Variants in SPMIP4 observed in about 807,000 individuals in gnomAD.
SPMIP4 encodes the protein sperm-associated microtubule inner protein 4.
At chr7:25,135,998 G>T in the SPMIP4 span, 3 of 1,607,316 alleles carry the variant, frequency 1.9e-6, no homozygotes, top group Non-Finnish European at 2.5e-6. Flanking sequence ...TAGGAATTAT[G>T]GCCATAGAAT....
At chr7:25,177,093 T>C in the SPMIP4 span, among the ~76,000 whole-genome samples, 1 of 152,206 alleles carries the variant, frequency 6.6e-6, no homozygotes, top group Non-Finnish European at 1.5e-5. Context: ...GGAAAAATTG[T>C]TCACATTAGA....
chr7:25,178,909 T>A, the SPMIP4 span, among the ~76,000 whole-genome samples: 1 of 151,842 alleles, frequency 6.6e-6, no homozygotes, highest in Admixed American at 6.6e-5. Context: ...GGCATGGTGG[T>A]GCATGCCTGT....
At chr7:25,130,765 G>A in the SPMIP4 span, among the ~76,000 whole-genome samples, 1 of 152,186 alleles carries the variant, frequency 6.6e-6, no homozygotes, top group Admixed American at 6.5e-5. Flanking sequence ...TATTGTCTTT[G>A]CCTTACAGTT....
At chr7:25,132,659 A>C in the SPMIP4 span, among the ~76,000 whole-genome samples, 12 of 152,310 alleles carry the variant, frequency 7.9e-5, no homozygotes, top group Admixed American at 7.2e-4. This position sits in a 1 kb window ranked among gnomAD's most constrained non-coding sequence, Gnocchi z 5.0. Flanking sequence ...GCTGATGTCC[A>C]CAGTGAGGCA....
At chr7:25,158,448 A>AT in the SPMIP4 span, 1,240 of 1,332,604 alleles carry the variant, frequency 9.3e-4, no homozygotes, top group Non-Finnish European at 1.1e-3. Flanking sequence ...GGAAATGTCA[A>AT]TTTTTTTTTC....
At chr7:25,132,114 G>A in the SPMIP4 span, among the ~76,000 whole-genome samples, 2 of 152,214 alleles carry the variant, frequency 1.3e-5, no homozygotes, top group African/African-American at 4.8e-5. The surrounding 1 kb of genome is among the most constrained non-coding windows in gnomAD (Gnocchi z 5.0). Context: ...GCTGTTGCTG[G>A]CTCGAATGCC....
At chr7:25,136,012 T>A in the SPMIP4 span, 1 of 1,611,730 alleles carries the variant, frequency 6.2e-7, no homozygotes, top group Non-Finnish European at 8.5e-7. This position sits in a 1 kb window ranked among gnomAD's most constrained non-coding sequence, Gnocchi z 5.7. Flanking sequence ...ATAGAATTGG[T>A]GCTTCATCCC....
At chr7:25,170,626 T>C in the SPMIP4 span, among the ~76,000 whole-genome samples, 1 of 152,248 alleles carries the variant, frequency 6.6e-6, no homozygotes, top group African/African-American at 2.4e-5. Context: ...CATAAAGATT[T>C]ATCGCTATGT....
At chr7:25,166,340 C>A in the SPMIP4 span, among the ~76,000 whole-genome samples, 4 of 149,504 alleles carry the variant, frequency 2.7e-5, no homozygotes, top group African/African-American at 7.4e-5. Flanking sequence ...GTAATCCCAG[C>A]ACTTTGGAAG....
At chr7:25,171,006 C>T in the SPMIP4 span, among the ~76,000 whole-genome samples, 1 of 152,214 alleles carries the variant, frequency 6.6e-6, no homozygotes, top group Non-Finnish European at 1.5e-5. Flanking sequence ...GGATCCATCT[C>T]AAAACCTAAG....
At chr7:25,155,250 A>G in the SPMIP4 span, 1 of 1,441,266 alleles carries the variant, frequency 6.9e-7, no homozygotes, top group Non-Finnish European at 9.2e-7. Flanking sequence ...GTATGGTTGA[A>G]AAAATTAATC....
chr7:25,137,301 C>CTTTTTTT, the SPMIP4 span, among the ~76,000 whole-genome samples: 1 of 127,088 alleles, frequency 7.9e-6, no homozygotes, highest in Non-Finnish European at 1.6e-5. Flanking sequence ...GCTGAATTTT[C>CTTTTTTT]TTTTTTTTTT....
the SPMIP4 span, among the ~76,000 whole-genome samples, chr7:25,129,589 G>C: frequency 6.6e-6 from 1 of 152,248 alleles, no homozygotes; most frequent in East Asian, 1.9e-4. Flanking sequence ...GTTAAAACCA[G>C]GTACTGTGAT....
the SPMIP4 span, among the ~76,000 whole-genome samples, chr7:25,138,559 T>C: frequency 6.6e-6 from 1 of 152,314 alleles, no homozygotes; most frequent in Middle Eastern, 3.4e-3. The surrounding 1 kb of genome is among the most constrained non-coding windows in gnomAD (Gnocchi z 6.2). Context: ...ATAAAATTTA[T>C]TTACAAAACC....
chr7:25,179,372 A>ACATTTT, the SPMIP4 span: 1 of 1,561,534 alleles, frequency 6.4e-7, no homozygotes. Flanking sequence ...TTGTCGAGTC[A>ACATTTT]AGGCAGGCAG....
chr7:25,136,733 ATCGGGCAAT>A, the SPMIP4 span: 2 of 1,614,140 alleles, frequency 1.2e-6, no homozygotes, highest in Non-Finnish European at 1.7e-6. The surrounding 1 kb of genome is among the most constrained non-coding windows in gnomAD (Gnocchi z 5.7). Context: ...TTCTGAATTA[ATCGGGCAAT>A]TCGTCCTTCC....
the SPMIP4 span, among the ~76,000 whole-genome samples, chr7:25,173,485 C>A: frequency 1.3e-5 from 2 of 152,184 alleles, no homozygotes; most frequent in Non-Finnish European, 2.9e-5. The surrounding 1 kb of genome is among the most constrained non-coding windows in gnomAD (Gnocchi z 4.4). Context: ...GTAAAGCCTA[C>A]AATATTTACC....
chr7:25,147,318 G>A, the SPMIP4 span, among the ~76,000 whole-genome samples: 1 of 152,092 alleles, frequency 6.6e-6, no homozygotes, highest in Non-Finnish European at 1.5e-5. Context: ...ACCTATTTAT[G>A]TTTGCCAATT....
chr7:25,157,508 T>A, the SPMIP4 span, among the ~76,000 whole-genome samples: 2 of 152,172 alleles, frequency 1.3e-5, no homozygotes, highest in Non-Finnish European at 2.9e-5. Context: ...CAACGGCATG[T>A]ACCCTTGCTA....
Sources: gnomAD v4.1 joint callset for allele counts (sites outside exome capture counted in the v4.1 genomes callset) on GRCh38, gnomAD v4.1.1 for gene constraint, Gnocchi (gnomAD v3.1) non-coding constraint, MANE v1.5 for transcripts, NCBI Gene and HGNC (gene_info 2026-07-23, HGNC 2026-07-21) for gene names.